Variants in KLF12 observed in about 807,000 individuals in gnomAD.
KLF12 encodes the protein KLF transcription factor 12, also known as Krueppel-like factor 12.
Under a neutral mutation model 37.8 loss-of-function variants are expected in KLF12, and 9 were observed. The observed-to-expected ratio is 0.24, with a 90% CI of 0.14 to 0.42. The LOEUF (loss-of-function observed/expected upper bound fraction) is 0.42, where lower values mean the gene tolerates loss of function less well. KLF12 is among the 10% of genes least tolerant of loss of function. The pLI, the probability that KLF12 is intolerant of heterozygous loss-of-function variation, is 1.00. For missense variants in KLF12, 411 were observed against 516.0 expected (o/e 0.80, Z 1.97); for synonymous variants, 208 against 202.1 (o/e 1.03, Z -0.25).
the KLF12 span, among the ~76,000 whole-genome samples, chr13:74,177,019 A>G: frequency 6.6e-6 from 1 of 152,228 alleles, no homozygotes; most frequent in Non-Finnish European, 1.5e-5. Context: ...GTTGTTTCCC[A>G]CTATGGCCAG....
chr13:73,719,006 A>G (rs542696992), intron 6 of KLF12, among the ~76,000 whole-genome samples: 302 of 152,390 alleles, frequency 2.0e-3, no homozygotes, highest in African/African-American at 6.7e-3. Flanking sequence ...AGTTGTACCC[A>G]GTAAAGCTGG....
At chr13:74,165,969 A>G in the KLF12 span, among the ~76,000 whole-genome samples, 1 of 152,224 alleles carries the variant, frequency 6.6e-6, no homozygotes, top group African/African-American at 2.4e-5. Flanking sequence ...CAACTCACAG[A>G]AAGACTTGTT....
At chr13:73,929,837 G>A (rs1363202312) in intron 3 of KLF12, among the ~76,000 whole-genome samples, 2 of 152,120 alleles carry the variant, frequency 1.3e-5, no homozygotes, top group Non-Finnish European at 1.5e-5. Flanking sequence ...TTTATGCATG[G>A]TACAGCAGAT....
At chr13:73,950,154 C>T (rs1890592111) in intron 2 of KLF12, among the ~76,000 whole-genome samples, 1 of 152,094 alleles carries the variant, frequency 6.6e-6, no homozygotes, top group African/African-American at 2.4e-5. Context: ...TGGTAAAGTG[C>T]CAAGCTATCA....
intron 6 of KLF12, among the ~76,000 whole-genome samples, chr13:73,731,761 G>C (rs1877076997): frequency 1.3e-5 from 2 of 152,158 alleles, no homozygotes; most frequent in Admixed American, 6.5e-5. Context: ...AAGTTCTAAA[G>C]CACAAACTGT....
intron 2 of KLF12, among the ~76,000 whole-genome samples, chr13:73,962,278 A>G (rs763984153): frequency 6.6e-6 from 1 of 152,202 alleles, no homozygotes; most frequent in Non-Finnish European, 1.5e-5. Context: ...ATTTTGGAAA[A>G]GGCAAAACTA....
chr13:73,910,970 G>A (rs1888541954), intron 3 of KLF12, among the ~76,000 whole-genome samples: 1 of 152,148 alleles, frequency 6.6e-6, no homozygotes, highest in African/African-American at 2.4e-5. Flanking sequence ...TCTGCAGAAA[G>A]TCCCCACCAG....
intron 4 of KLF12, among the ~76,000 whole-genome samples, chr13:73,815,291 AG>A (rs1257038346): frequency 6.6e-6 from 1 of 152,186 alleles, no homozygotes; most frequent in Non-Finnish European, 1.5e-5. Flanking sequence ...AGTCACTCGA[AG>A]GGCACTTGAA....
intron 7 of KLF12, among the ~76,000 whole-genome samples, chr13:73,714,385 C>CAG (rs1417027560): frequency 6.6e-6 from 1 of 152,190 alleles, no homozygotes; most frequent in African/African-American, 2.4e-5. Flanking sequence ...AGGCAGTTTA[C>CAG]AGAGTACAGT....
the KLF12 span, among the ~76,000 whole-genome samples, chr13:74,275,878 C>CTTCTTTCTTTCTTTCTTTCT: frequency 1.9e-5 from 1 of 52,984 alleles, no homozygotes; most frequent in Admixed American, 2.4e-4. Context: ...ATCTTTCTTT[C>CTTCTTTCTTTCTTTCTTTCT]TTCTTTCTTT....
At chr13:73,697,573 T>G (rs1051319918) in intron 7 of KLF12, among the ~76,000 whole-genome samples, 1 of 152,210 alleles carries the variant, frequency 6.6e-6, no homozygotes, top group Non-Finnish European at 1.5e-5. Context: ...CTTTTACGTG[T>G]TACATGTCAT....
chr13:73,712,338 CAAAAAAAAA>C lies in KLF12; in HGVS notation c.1027+3021_1027+3029del, dbSNP rs752694466. ...GGGTAACAAGAGCGAAACTCCATGTCAAAAAAAAAAAAAAAAAAAAAAGGATTAGAAGTG... is the reference window on the plus strand; with the variant it reads ...GGGTAACAAGAGCGAAACTCCATGTCAAAAAAAAAAAAAGGATTAGAAGTG... On this transcript the variant is annotated intron_variant, in intron 7 of 7. Coordinates refer to ENST00000377669, the MANE Select transcript of KLF12 (RefSeq NM_007249.5). Among the ~76,000 whole-genome samples the C allele has an allele frequency of 1.2e-4, 5 of 42,056 alleles. No individual in the cohort carries two copies. In the East Asian group the frequency reaches 3.2e-3, roughly 27 times the overall value. The allele number at this position is 42,056 out of a possible 152,430, so 27.6% of individuals were successfully genotyped here. A position where few individuals can be genotyped will look rare whatever the true frequency, so the allele number is the denominator to read the frequency against.
At chr13:73,951,648 A>G (rs1890651677) in intron 2 of KLF12, among the ~76,000 whole-genome samples, 2 of 152,154 alleles carry the variant, frequency 1.3e-5, no homozygotes, top group African/African-American at 2.4e-5. Flanking sequence ...CCCATATACA[A>G]TGGAGAGGAG....
rs534255680 is a variant in KLF12, at chr13:74,047,432, A to G, written c.-31-52379T>C. On this transcript the variant is annotated intron_variant, in intron 1 of 7. Transcript: ENST00000377669. ...CGGCGAAACCCCGTCTCTACTAAAA[A>G]TACAAAAAAAAAAAATTAGCCAGGC... Among the ~76,000 whole-genome samples the G allele has an allele frequency of 7.4e-3, 589 of 79,774 alleles. 4 individuals carry two copies. The highest frequency in any genetic ancestry group is 0.024 in the African/African-American group (550 of 22,614). 52.3% of individuals were successfully genotyped at this position (79,774 alleles called of 152,430 possible).
intron 2 of KLF12, among the ~76,000 whole-genome samples, chr13:73,950,825 A>G (rs779038409): frequency 6.6e-6 from 1 of 152,224 alleles, no homozygotes; most frequent in Non-Finnish European, 1.5e-5. Flanking sequence ...AATTGACTTC[A>G]GTCCTGGAAA....
At chr13:74,189,188 A>G in the KLF12 span, among the ~76,000 whole-genome samples, 1 of 152,202 alleles carries the variant, frequency 6.6e-6, no homozygotes, top group Non-Finnish European at 1.5e-5. Context: ...CAGTGAACAC[A>G]TTTTGGAAAA....
chr13:73,776,873 T>C (rs1399922427), intron 5 of KLF12, among the ~76,000 whole-genome samples: 1 of 152,240 alleles, frequency 6.6e-6, no homozygotes, highest in South Asian at 2.1e-4. Flanking sequence ...AAGGAACTGA[T>C]TAAAATGCAC....
chr13:74,270,941 G>T, the KLF12 span, among the ~76,000 whole-genome samples: 1 of 152,138 alleles, frequency 6.6e-6, no homozygotes, highest in Non-Finnish European at 1.5e-5. Flanking sequence ...TAGAACAGCA[G>T]TCCTCAACCC....
At chr13:74,242,645 T>G in the KLF12 span, among the ~76,000 whole-genome samples, 1 of 152,174 alleles carries the variant, frequency 6.6e-6, no homozygotes, top group African/African-American at 2.4e-5. Flanking sequence ...ATGAGGCTAG[T>G]TTCTTTGTGA....
Sources: gnomAD v4.1 joint callset for allele counts (sites outside exome capture counted in the v4.1 genomes callset) on GRCh38, gnomAD v4.1.1 for gene constraint, MANE v1.5 for transcripts, NCBI Gene and HGNC (gene_info 2026-07-23, HGNC 2026-07-21) for gene names.